TMEM255A: variants seen among roughly 807,000 people sequenced by gnomAD.
TMEM255A encodes the protein family with sequence similarity 70, member A.
A neutral mutation model predicts 23.5 loss-of-function variants in TMEM255A; 14 were observed. The ratio of observed to expected loss-of-function variants is 0.60; its 90% confidence interval spans 0.39 to 0.93. The LOEUF is 0.93. Ranked by LOEUF, TMEM255A falls within the 40% of genes least tolerant of loss-of-function variation. The probability of loss-of-function intolerance (pLI) is 0.00; values close to 1 mark genes in which losing one functional copy is unlikely to be tolerated. For missense variants in TMEM255A, 233 were observed against 261.7 expected (o/e 0.89, Z 0.76); for synonymous variants, 104 against 100.3 (o/e 1.04, Z -0.22).
At chrX:120,270,608 T>C (rs2057752464) in intron 7 of TMEM255A, among the ~76,000 whole-genome samples, 1 of 111,720 alleles carries the variant, frequency 9.0e-6, no homozygotes, top group South Asian at 3.8e-4. Flanking sequence ...AATCCTCATA[T>C]CTTTGGTCAA....
intron 7 of TMEM255A, among the ~76,000 whole-genome samples, chrX:120,272,554 G>A (rs890535483): frequency 5.4e-5 from 6 of 110,257 alleles, no homozygotes; most frequent in Admixed American, 3.8e-4. Context: ...GAGTTCTCAC[G>A]AGATCTGATG....
At chrX:120,309,676 GTC>G (rs782163897) in intron 1 of TMEM255A, among the ~76,000 whole-genome samples, 2 of 110,490 alleles carry the variant, frequency 1.8e-5, no homozygotes, top group African/African-American at 3.3e-5. Context: ...CCACCTCTCT[GTC>G]TCTCTCTCTC....
intron 1 of TMEM255A, among the ~76,000 whole-genome samples, chrX:120,304,826 T>G (rs2058054296): frequency 9.0e-6 from 1 of 111,693 alleles, no homozygotes; most frequent in South Asian, 3.7e-4. Flanking sequence ...TTAGACCAAA[T>G]TAGAAGGCAT....
At chrX:120,292,035 G>T (rs1472199055) in intron 3 of TMEM255A, among the ~76,000 whole-genome samples, 2 of 110,949 alleles carry the variant, frequency 1.8e-5, no homozygotes, top group Non-Finnish European at 3.8e-5. Context: ...TTAGAGACAG[G>T]TCTCCTATGT....
chrX:120,285,318 G>T, intron 5 of TMEM255A, 103 bp from the exon 6 acceptor site: 1 of 776,665 alleles, frequency 1.3e-6, no homozygotes, highest in Non-Finnish European at 2.0e-6. Flanking sequence ...CAGTAAGGAT[G>T]GCTTTGAAAT....
intron 5 of TMEM255A, chrX:120,285,979 T>C: frequency 4.7e-6 from 5 of 1,068,635 alleles, no homozygotes; most frequent in South Asian, 2.0e-5. Flanking sequence ...ATAGAGAATA[T>C]TCATAGCAAA....
intron 1 of TMEM255A, among the ~76,000 whole-genome samples, chrX:120,310,687 C>G (rs1342286362): frequency 1.6e-5 from 1 of 61,990 alleles, no homozygotes; most frequent in Admixed American, 1.9e-4. Context: ...TCATCCCCCC[C>G]TTTCTTCTCA....
At chrX:120,275,809 T>TTTTTTTTTTTTTTTTTG (rs2057793774) in intron 7 of TMEM255A, among the ~76,000 whole-genome samples, 1 of 95,309 alleles carries the variant, frequency 1.0e-5, no homozygotes, top group Non-Finnish European at 2.1e-5. Context: ...TTTTTTTTTT[T>TTTTTTTTTTTTTTTTTG]AGAGACAGGG....
intron 6 of TMEM255A, among the ~76,000 whole-genome samples, chrX:120,284,024 T>G (rs1270890554): frequency 3.6e-5 from 4 of 111,781 alleles, no homozygotes; most frequent in Middle Eastern, 4.2e-3. Context: ...TGTCTTCTTT[T>G]GGTTTGTCTC....
the TMEM255A span, chrX:120,253,351 A>T: frequency 1.0e-6 from 1 of 991,126 alleles, no homozygotes; most frequent in Non-Finnish European, 1.4e-6. Context: ...CTTAAATTCT[A>T]AATAAGTACT....
At chrX:120,254,182 C>A, downstream of TMEM255A, 1 of 1,211,835 alleles carries the variant, frequency 8.3e-7, no homozygotes, top group Non-Finnish European at 1.1e-6. Flanking sequence ...GTGAATCAGG[C>A]AACTTTGAGC....
downstream of TMEM255A, chrX:120,254,950 A>G: frequency 8.2e-7 from 1 of 1,212,152 alleles, no homozygotes; most frequent in Non-Finnish European, 1.1e-6. Flanking sequence ...TTGCGGAGAC[A>G]TTTTAACATT....
chrX:120,298,828 T>C (rs2058014969), intron 2 of TMEM255A, among the ~76,000 whole-genome samples: 1 of 109,051 alleles, frequency 9.2e-6, no homozygotes, highest in African/African-American at 3.4e-5. Context: ...ACCTCAGTAT[T>C]TGAGACATGT....
intron 7 of TMEM255A, among the ~76,000 whole-genome samples, chrX:120,268,996 C>T (rs557277631): frequency 2.7e-5 from 3 of 111,319 alleles, no homozygotes; most frequent in African/African-American, 9.8e-5. Flanking sequence ...TCTTAGAGAT[C>T]CCAACCTTGC....
intron 7 of TMEM255A, among the ~76,000 whole-genome samples, chrX:120,276,573 G>A (rs1365126485): frequency 9.0e-6 from 1 of 111,657 alleles, no homozygotes; most frequent in Non-Finnish European, 1.9e-5. Context: ...GTGTGGGGTG[G>A]GGCTATAAAA....
At chrX:120,270,234 T>A (rs1556018448) in intron 7 of TMEM255A, among the ~76,000 whole-genome samples, 1 of 111,167 alleles carries the variant, frequency 9.0e-6, no homozygotes, top group Non-Finnish European at 1.9e-5. Flanking sequence ...AATCAATAAA[T>A]CTGATTTTAC....
At chrX:120,299,303 C>T (rs1556025498) in intron 2 of TMEM255A, among the ~76,000 whole-genome samples, 2 of 110,987 alleles carry the variant, frequency 1.8e-5, no homozygotes, top group African/African-American at 6.6e-5. Context: ...GCCACTGTAC[C>T]TAGCTAATTC....
chrX:120,311,142 G>C, intron 1 of TMEM255A, 110 bp downstream of exon 1: 3 of 726,740 alleles, frequency 4.1e-6, no homozygotes, highest in Non-Finnish European at 4.2e-6. Flanking sequence ...CCCCATCCAT[G>C]CCCCGTTTCC....
At chrX:120,308,698 A>G (rs782528034) in intron 1 of TMEM255A, among the ~76,000 whole-genome samples, 2 of 112,217 alleles carry the variant, frequency 1.8e-5, no homozygotes, top group East Asian at 5.6e-4. Flanking sequence ...TTTGGGAGGA[A>G]GGAATGCCCT....
Sources: allele counts gnomAD v4.1 joint callset (sites outside exome capture counted in the v4.1 genomes callset), GRCh38; gene constraint gnomAD v4.1.1; transcripts MANE v1.5; gene names NCBI Gene and HGNC (gene_info 2026-07-23, HGNC 2026-07-21).